NECAB1: variants seen among roughly 807,000 people sequenced by gnomAD.
NECAB1 encodes N-terminal EF-hand calcium-binding protein 1.
In NECAB1, 29 loss-of-function variants were observed where a neutral mutation model predicts 57.5. The observed-to-expected ratio is 0.50, with a 90% CI of 0.38 to 0.69. The LOEUF (loss-of-function observed/expected upper bound fraction) is 0.69, where lower values mean the gene tolerates loss of function less well. Ranked by LOEUF, NECAB1 falls within the 30% of genes least tolerant of loss-of-function variation. The pLI is 0.00. For missense variants in NECAB1, 372 were observed against 413.8 expected, an observed-to-expected ratio of 0.90 and a Z score of 0.88; for synonymous variants, 142 against 147.7, an observed-to-expected ratio of 0.96 and a Z score of 0.28.
chr8:90,805,298 T>C (rs1811829082), intron 2 of NECAB1, among the ~76,000 whole-genome samples: 2 of 152,190 alleles, frequency 1.3e-5, no homozygotes, highest in Non-Finnish European at 2.9e-5. Flanking sequence ...ATAGAGTCCC[T>C]TGTGGACAGC....
chr8:90,946,004 A>C (rs1810798203), intron 10 of NECAB1, among the ~76,000 whole-genome samples: 1 of 152,236 alleles, frequency 6.6e-6, no homozygotes, highest in South Asian at 2.1e-4. Context: ...TCGAAAGCTA[A>C]TCATTCAAGC....
intron 2 of NECAB1, among the ~76,000 whole-genome samples, chr8:90,820,327 T>C (rs1457296252): frequency 2.0e-5 from 3 of 151,990 alleles, no homozygotes; most frequent in African/African-American, 7.2e-5. Flanking sequence ...TATTTTCATT[T>C]ATATATTGTT....
chr8:90,834,441 T>C (rs998438657), intron 3 of NECAB1, among the ~76,000 whole-genome samples: 1 of 152,114 alleles, frequency 6.6e-6, no homozygotes, highest in Admixed American at 6.5e-5. Flanking sequence ...ATGAGTGCCC[T>C]TTTATAAAAG....
In NECAB1 at chr8:90,917,870, A is replaced by ATATATATATATGTGTG. The variant is rs1554575432; in HGVS notation, c.494+243_494+244insATATATATATGTGTGT. ...TATATATATATATATATATATATAT[A>ATATATATATATGTGTG]TGTGTGTGTGTGCGTGTATATATAT... On this transcript the variant is annotated intron_variant, in intron 6 of 12. Coordinates refer to ENST00000417640, the MANE Select transcript of NECAB1 (RefSeq NM_022351.5). Among the ~76,000 whole-genome samples the ATATATATATATGTGTG allele has an allele frequency of 5.1e-3, 330 of 64,260 alleles. 16 individuals carry two copies. The highest frequency in any genetic ancestry group is 0.03 in the African/African-American group (281 of 9,522). The allele number at this position is 64,260 out of a possible 152,430, so 42.2% of individuals were successfully genotyped here.
intron 5 of NECAB1, among the ~76,000 whole-genome samples, chr8:90,891,621 G>A (rs945297011): frequency 6.6e-6 from 1 of 151,558 alleles, no homozygotes; most frequent in Non-Finnish European, 1.5e-5. Context: ...GTTGTTGACA[G>A]TCACAGAAGG....
At position 90,957,735 on chromosome 8, in the gene NECAB1, T is replaced by C. The variant is rs942830303; in HGVS notation, c.*2223T>C. The C allele has an allele frequency of 6.7e-6, 1 of 148,738 alleles. No individual in the cohort carries two copies. Among genetic ancestry groups the C allele is most frequent in the African/African-American group, 2.5e-5 (1 of 40,784 alleles). The allele number at this position is 148,738 out of a possible 1,614,324, so 9.2% of individuals were successfully genotyped here. ...AAAAGAAAAAACTGGGACCTAAGTA[T>C]AAATATCTCATCCTAAAGTAAACAA... On this transcript the variant is annotated 3_prime_UTR_variant, in exon 13 of 13. Transcript: ENST00000417640.
intron 5 of NECAB1, among the ~76,000 whole-genome samples, chr8:90,891,373 T>A (rs1809162373): frequency 6.6e-6 from 1 of 152,180 alleles, no homozygotes; most frequent in Non-Finnish European, 1.5e-5. Context: ...TAATGTTTAG[T>A]CATAATATTG....
intron 3 of NECAB1, among the ~76,000 whole-genome samples, chr8:90,834,990 T>A (rs1812346826): frequency 7.6e-6 from 1 of 130,828 alleles, no homozygotes. Flanking sequence ...GACTTTCTTT[T>A]TTTTTTTTTT....
chr8:90,791,823 C>T lies in NECAB1; in HGVS notation c.-64C>T. ...CGGCGAAGCAGCAGCTGCGGCCGCGCCCTTGCCAGAGCCGGTGCGTCCGCC... is the reference window on the plus strand; with the variant it reads ...CGGCGAAGCAGCAGCTGCGGCCGCGTCCTTGCCAGAGCCGGTGCGTCCGCC... On this transcript the variant is annotated 5_prime_UTR_variant, in exon 1 of 13. Transcript: ENST00000417640. 7.3e-7 allele frequency: 1 copy of T among 1,364,820 alleles called. No individual in the cohort carries two copies. The highest frequency in any genetic ancestry group is 1.3e-5 in the South Asian group (1 of 79,716). The allele number at this position is 1,364,820 out of a possible 1,614,324, so 84.5% of individuals were successfully genotyped here.
In NECAB1 at chr8:90,958,596, A is replaced by G. The variant is rs183535347; in HGVS notation, c.*3084A>G. ...TGAAATCAGTGGGAAGCAGAACAACAGAAGGAACTTTAAAAGCAACAAGCA... is the reference window on the plus strand; with the variant it reads ...TGAAATCAGTGGGAAGCAGAACAACGGAAGGAACTTTAAAAGCAACAAGCA... On this transcript the variant is annotated 3_prime_UTR_variant, in exon 13 of 13. Coordinates refer to ENST00000417640, the MANE Select transcript of NECAB1 (RefSeq NM_022351.5). The G allele has an allele frequency of 5.7e-4, 97 of 170,094 alleles. No individual in the cohort carries two copies. Among genetic ancestry groups the G allele is most frequent in the Middle Eastern group, 5.2e-3 (2 of 382 alleles). The allele number at this position is 170,094 out of a possible 1,614,324, so 10.5% of individuals were successfully genotyped here.
At chr8:90,898,790 C>T (rs1809425760) in intron 5 of NECAB1, among the ~76,000 whole-genome samples, 1 of 152,232 alleles carries the variant, frequency 6.6e-6, no homozygotes, top group Non-Finnish European at 1.5e-5. Context: ...CAGTCAGGCA[C>T]CTGGTACATG....
chr8:90,845,293 G>T (rs1016385997), intron 3 of NECAB1, among the ~76,000 whole-genome samples: 2 of 152,176 alleles, frequency 1.3e-5, no homozygotes, highest in Non-Finnish European at 2.9e-5. Flanking sequence ...TCTGTTGCCT[G>T]CCTTGTCATT....
intron 5 of NECAB1, among the ~76,000 whole-genome samples, chr8:90,882,892 A>T (rs1808875402): frequency 6.6e-6 from 1 of 152,172 alleles, no homozygotes; most frequent in Non-Finnish European, 1.5e-5. Flanking sequence ...AAATTTATTG[A>T]TGGATTAAAT....
At chr8:90,837,712 T>C (rs1185184711) in intron 3 of NECAB1, among the ~76,000 whole-genome samples, 1 of 152,232 alleles carries the variant, frequency 6.6e-6, no homozygotes, top group Middle Eastern at 3.2e-3. Context: ...TTGTGTCTAG[T>C]GTCTCTGAGT....
At chr8:90,820,182 A>T (rs1812122410) in intron 2 of NECAB1, among the ~76,000 whole-genome samples, 1 of 151,942 alleles carries the variant, frequency 6.6e-6, no homozygotes, top group Non-Finnish European at 1.5e-5. Context: ...TTGGGGTAGC[A>T]GTTTACCCTG....
chr8:90,844,541 C>T (rs1171714999), intron 3 of NECAB1, among the ~76,000 whole-genome samples: 1 of 152,172 alleles, frequency 6.6e-6, no homozygotes, highest in Non-Finnish European at 1.5e-5. Context: ...CACAGATCCT[C>T]CCTATTGTCA....
chr8:90,836,076 T>C (rs1019017220), intron 3 of NECAB1, among the ~76,000 whole-genome samples: 8 of 152,198 alleles, frequency 5.3e-5, no homozygotes, highest in Non-Finnish European at 1.2e-4. Flanking sequence ...TCTCTACTCC[T>C]GTGACTTAAA....
chr8:90,861,375 T>G (rs1434672949), intron 3 of NECAB1, among the ~76,000 whole-genome samples: 1 of 152,162 alleles, frequency 6.6e-6, no homozygotes, highest in Non-Finnish European at 1.5e-5. Context: ...CATGGAAAAT[T>G]TCCCTGACAT....
intron 3 of NECAB1, among the ~76,000 whole-genome samples, chr8:90,854,019 T>C (rs1358526774): frequency 6.6e-6 from 1 of 152,172 alleles, no homozygotes; most frequent in Non-Finnish European, 1.5e-5. Flanking sequence ...TGTCTCACTG[T>C]CTAGATGCTA....
Sources: allele counts gnomAD v4.1 joint callset (sites outside exome capture counted in the v4.1 genomes callset), GRCh38; gene constraint gnomAD v4.1.1; transcripts MANE v1.5; gene names NCBI Gene and HGNC (gene_info 2026-07-23, HGNC 2026-07-21).